ZNF469: variants seen among roughly 807,000 people sequenced by gnomAD.
The protein encoded by ZNF469 is zinc finger protein 469.
In ZNF469, 1 loss-of-function variant was observed where a neutral mutation model predicts 1.0. That is an observed-to-expected ratio of 1.00 (90% CI 0.35 to 4.73). ZNF469 has a LOEUF of 4.73. ZNF469 is among the 30% of genes most tolerant of loss of function. ZNF469 has a pLI of 0.16. For synonymous variants in ZNF469, 2,703 were observed against 2,363.4 expected, an observed-to-expected ratio of 1.14 and a Z score of -4.17; for missense variants, 6,100 against 5,356.3, an observed-to-expected ratio of 1.14 and a Z score of -4.33.
the ZNF469 span, among the ~76,000 whole-genome samples, chr16:88,140,019 G>A: frequency 1.3e-5 from 2 of 152,340 alleles, no homozygotes; most frequent in East Asian, 1.9e-4. Context: ...GAAACGAACT[G>A]TCAGGATCAA....
At chr16:88,166,286 C>T in the ZNF469 span, among the ~76,000 whole-genome samples, 107 of 152,334 alleles carry the variant, frequency 7.0e-4, no homozygotes, top group Non-Finnish European at 1.3e-3. This position sits in a 1 kb window ranked among gnomAD's most constrained non-coding sequence, Gnocchi z 4.5. Context: ...TCCCTCCCTC[C>T]CTCTTTCCTT....
intron 1 of ZNF469, among the ~76,000 whole-genome samples, chr16:88,392,454 A>G (rs1158526883): frequency 6.6e-6 from 1 of 152,346 alleles, no homozygotes; most frequent in African/African-American, 2.4e-5. Context: ...TTTTGTGTCC[A>G]TCACGGACCT....
chr16:88,206,688 C>G, the ZNF469 span, among the ~76,000 whole-genome samples: 2 of 151,568 alleles, frequency 1.3e-5, no homozygotes, highest in Admixed American at 1.3e-4. Context: ...TCTTTTAAAA[C>G]CTCGATGGCT....
the ZNF469 span, among the ~76,000 whole-genome samples, chr16:88,371,691 T>C: frequency 6.6e-6 from 1 of 152,214 alleles, no homozygotes; most frequent in Non-Finnish European, 1.5e-5. Context: ...GATGTAACCA[T>C]TGAGCAAACC....
rs1235402070 is a variant in ZNF469 at position 88,438,049 on chromosome 16, C to T, written c.10579C>T (p.Leu3527=). The part of the protein sequence containing the change: ...PSTTKGWPET[L]ERPVDPVTHP... ...CACCACCAAGGGATGGCCCGAGACC[C>T]TAGAGAGGCCTGTAGACCCCGTGAC... The change falls in exon 3 of 3, where the codon CTA becomes TTA. Residue 3527 remains leucine, a synonymous_variant. Transcript: ENST00000565624. The T allele has an allele frequency of 6.5e-7, 1 of 1,550,174 alleles. No homozygotes were observed. The highest frequency in any genetic ancestry group is 2.4e-5 in the East Asian group (1 of 40,922).
At chr16:88,246,342 C>G in the ZNF469 span, among the ~76,000 whole-genome samples, 53,608 of 152,220 alleles carry the variant, frequency 0.35, 11,702 homozygotes, top group Non-Finnish European at 0.48. Flanking sequence ...ACCCAGGAGA[C>G]TGGCAGAAAC....
At chr16:88,146,426 G>A in the ZNF469 span, among the ~76,000 whole-genome samples, 1 of 152,162 alleles carries the variant, frequency 6.6e-6, no homozygotes. Flanking sequence ...AGCCGTGGCT[G>A]GAACCTTCTT....
At chr16:88,265,359 C>T in the ZNF469 span, among the ~76,000 whole-genome samples, 5 of 152,186 alleles carry the variant, frequency 3.3e-5, no homozygotes, top group Non-Finnish European at 5.9e-5. Flanking sequence ...CACTCGCAGG[C>T]AGAACAGCCC....
At chr16:88,419,534 T>C (rs963512617) in intron 1 of ZNF469, among the ~76,000 whole-genome samples, 16 of 152,214 alleles carry the variant, frequency 1.1e-4, no homozygotes, top group African/African-American at 3.9e-4. Flanking sequence ...TTCTTGGCCC[T>C]TGTGTGGTGT....
the ZNF469 span, among the ~76,000 whole-genome samples, chr16:88,137,685 C>T: frequency 6.6e-6 from 1 of 152,200 alleles, no homozygotes; most frequent in African/African-American, 2.4e-5. Context: ...GTGTGTATAA[C>T]TATGCTATGA....
chr16:88,429,975 G>A lies in ZNF469; in HGVS notation c.2505G>A (p.Glu835=), dbSNP rs1906019474. 4 of 1,550,246 alleles carry A rather than the reference G, an allele frequency of 2.6e-6. No individual in the cohort carries two copies. Among genetic ancestry groups the A allele is most frequent in the Non-Finnish European group, 3.5e-6 (4 of 1,146,968 alleles). ...FPLPASDLDM[E]DDAKLDSLIT... ...TCCCTGCCTCGGACCTGGACATGGA[G>A]GATGACGCCAAGCTGGACAGCCTCA... Residue 835 remains glutamate, a synonymous_variant, in exon 3 of 3, where the codon GAG becomes GAA. Coordinates refer to ENST00000565624, the MANE Select transcript of ZNF469 (RefSeq NM_001367624.2).
chr16:88,200,439 G>A, the ZNF469 span, among the ~76,000 whole-genome samples: 2 of 152,234 alleles, frequency 1.3e-5, no homozygotes, highest in Admixed American at 1.3e-4. Flanking sequence ...GACCGCACCT[G>A]CCCCGTGGCC....
At chr16:88,246,999 GTGAA>G in the ZNF469 span, among the ~76,000 whole-genome samples, 4 of 151,832 alleles carry the variant, frequency 2.6e-5, no homozygotes, top group African/African-American at 4.8e-5. Flanking sequence ...GAATGAGTGA[GTGAA>G]TGAGTGAATC....
At chr16:88,255,532 C>T in the ZNF469 span, among the ~76,000 whole-genome samples, 25 of 152,226 alleles carry the variant, frequency 1.6e-4, no homozygotes, top group Admixed American at 3.3e-4. Flanking sequence ...ACAGGCATTG[C>T]CTCTCTCATT....
upstream of ZNF469, among the ~76,000 whole-genome samples, chr16:88,378,270 G>C (rs1462960906): frequency 6.6e-6 from 1 of 152,322 alleles, no homozygotes; most frequent in East Asian, 1.9e-4. Context: ...GGCCGGGCCT[G>C]TTTGTGCCCT....
the ZNF469 span, among the ~76,000 whole-genome samples, chr16:88,358,918 G>A: frequency 1.3e-5 from 2 of 152,060 alleles, no homozygotes; most frequent in East Asian, 3.9e-4. Context: ...TGCCCTTGGT[G>A]GACACCTGGG....
chr16:88,393,237 C>G (rs1904538590), intron 1 of ZNF469, among the ~76,000 whole-genome samples: 1 of 152,272 alleles, frequency 6.6e-6, no homozygotes, highest in African/African-American at 2.4e-5. Flanking sequence ...GCCAGCGGCC[C>G]TCCGTGCCCG....
the ZNF469 span, among the ~76,000 whole-genome samples, chr16:88,318,581 G>A: frequency 6.6e-6 from 1 of 152,256 alleles, no homozygotes; most frequent in African/African-American, 2.4e-5. Flanking sequence ...GGATCAAGAA[G>A]GGGACCATTT....
rs1906267930 is a variant in ZNF469, at chr16:88,432,458, C to G, written c.4988C>G (p.Ser1663Cys). The G allele has an allele frequency of 6.5e-7, 1 of 1,550,238 alleles. No individual in the cohort carries two copies. The highest frequency in any genetic ancestry group is 8.7e-7 in the Non-Finnish European group (1 of 1,146,992). The change falls in exon 3 of 3, where the codon TCC becomes TGC. Residue 1663 changes from serine (S) to cysteine (C), a missense_variant. Transcript: ENST00000565624. The stretch of plus-strand genomic sequence containing the variant: ...GGGGGGACGTGGCCCTGCCCAGCCT[C>G]CTTCCATCCGGGACATGCAGCCCTT... ...RPGGTWPCPA[S>C]FHPGHAALLP... is the part of the protein sequence containing the mutation.
Sources: gnomAD v4.1 joint callset for allele counts (sites outside exome capture counted in the v4.1 genomes callset) on GRCh38, gnomAD v4.1.1 for gene constraint, Gnocchi (gnomAD v3.1) non-coding constraint, MANE v1.5 for transcripts, NCBI Gene and HGNC (gene_info 2026-07-23, HGNC 2026-07-21) for gene names.